CALN1: variants seen among roughly 807,000 people sequenced by gnomAD.
The protein encoded by CALN1 is calneuron 1.
In CALN1, 17 loss-of-function variants were observed where a neutral mutation model predicts 30.6. The ratio of observed to expected loss-of-function variants is 0.56; its 90% confidence interval spans 0.38 to 0.83. CALN1 has a LOEUF of 0.83. Among genes scored for constraint, CALN1 ranks in the 40% least tolerant of loss-of-function variants. The probability of loss-of-function intolerance (pLI) is 0.00; values close to 1 mark genes in which losing one functional copy is unlikely to be tolerated. For synonymous variants in CALN1, 156 were observed against 131.4 expected (o/e 1.19, Z -1.28); for missense variants, 291 against 354.9 (o/e 0.82, Z 1.45).
intron 4 of CALN1, among the ~76,000 whole-genome samples, chr7:72,078,654 C>T (rs1014795850): frequency 6.6e-6 from 1 of 151,922 alleles, no homozygotes; most frequent in Non-Finnish European, 1.5e-5. Flanking sequence ...CAGGGAGGGT[C>T]GGGCGCAGTG....
At chr7:72,180,852 C>T (rs1328399485) in intron 3 of CALN1, among the ~76,000 whole-genome samples, 3 of 151,982 alleles carry the variant, frequency 2.0e-5, no homozygotes, top group African/African-American at 4.8e-5. Context: ...AATCCAAGCA[C>T]TTTGGGAGGC....
chr7:72,220,649 A>C (rs368997065), intron 3 of CALN1, among the ~76,000 whole-genome samples: 1 of 152,196 alleles, frequency 6.6e-6, no homozygotes, highest in African/African-American at 2.4e-5. Flanking sequence ...ACCAGTTTAC[A>C]GTCCCACCAA....
At chr7:72,269,792 G>A (rs965650662) in intron 3 of CALN1, among the ~76,000 whole-genome samples, 1 of 152,084 alleles carries the variant, frequency 6.6e-6, no homozygotes, top group African/African-American at 2.4e-5. Flanking sequence ...AATATTCACA[G>A]GCATGCAAAG....
chr7:72,338,435 A>G (rs1021032810), intron 2 of CALN1, among the ~76,000 whole-genome samples: 2 of 147,476 alleles, frequency 1.4e-5, no homozygotes, highest in African/African-American at 5.0e-5. Flanking sequence ...TTCAACTGCC[A>G]GGGAAGTTTG....
At chr7:71,984,818 GC>G (rs1798578712) in intron 5 of CALN1, among the ~76,000 whole-genome samples, 1 of 152,174 alleles carries the variant, frequency 6.6e-6, no homozygotes, top group African/African-American at 2.4e-5. Flanking sequence ...AATGACTCTG[GC>G]TAAGCTTATG....
chr7:72,397,576 C>G (rs1419441274), intron 2 of CALN1, among the ~76,000 whole-genome samples: 1 of 152,048 alleles, frequency 6.6e-6, no homozygotes, highest in Non-Finnish European at 1.5e-5. Context: ...AAGAGGGAGT[C>G]AGGAAATGTG....
chr7:72,397,714 TCACACACACACACACACA>T (rs3138810), intron 2 of CALN1, among the ~76,000 whole-genome samples: 1 of 142,806 alleles, frequency 7.0e-6, no homozygotes, highest in African/African-American at 2.6e-5. Context: ...CCATTCTCTC[TCACACACACACACACACA>T]CACACACACA....
rs144403189 is a variant in CALN1, at chr7:72,298,170, A to G, written c.120-19360T>C. On this transcript the variant is annotated intron_variant, in intron 2 of 6. Transcript: ENST00000395275. ...CATCTTTACCTGTGTATGGCCAACA[A>G]CATCCCACCATCTCAGAAAAGACCA... is the stretch of plus-strand genomic sequence containing the variant. 4.3e-3 allele frequency among the ~76,000 whole-genome samples: 657 copies of G among 152,330 alleles called. 7 individuals carry two copies. The highest frequency in any genetic ancestry group is 7.2e-3 in the Non-Finnish European group (492 of 68,040).
chr7:72,205,551 A>AAATATATATATATATATATATATATAT, intron 3 of CALN1, among the ~76,000 whole-genome samples: 2 of 83,044 alleles, frequency 2.4e-5, no homozygotes, highest in Non-Finnish European at 3.9e-5. Flanking sequence ...GCAAAAAAAA[A>AAATATATATATATATATATATATATAT]ATATATATAT....
chr7:72,192,661 A>G (rs1269704663), intron 3 of CALN1, among the ~76,000 whole-genome samples: 1 of 72,776 alleles, frequency 1.4e-5, no homozygotes, highest in Non-Finnish European at 2.3e-5. Flanking sequence ...TATTATTATT[A>G]TTATTATTAT....
chr7:72,473,844 G>T, the CALN1 span, among the ~76,000 whole-genome samples: 1 of 151,318 alleles, frequency 6.6e-6, no homozygotes, highest in Non-Finnish European at 1.5e-5. Flanking sequence ...TGGGAGAATC[G>T]CTTGAACCCA....
At chr7:72,330,621 C>T (rs1258089966) in intron 2 of CALN1, among the ~76,000 whole-genome samples, 6 of 152,256 alleles carry the variant, frequency 3.9e-5, no homozygotes, top group Admixed American at 2.0e-4. Flanking sequence ...CTCTGTCTGA[C>T]GAATTCATCA....
intron 5 of CALN1, among the ~76,000 whole-genome samples, chr7:71,813,895 C>G (rs1788108918): frequency 6.8e-6 from 1 of 147,598 alleles, no homozygotes; most frequent in Non-Finnish European, 1.5e-5. Flanking sequence ...TGTGTCACTG[C>G]ACTCCAGCCT....
At chr7:72,417,370 G>T (rs541316580) in intron 1 of CALN1, among the ~76,000 whole-genome samples, 1 of 152,164 alleles carries the variant, frequency 6.6e-6, no homozygotes, top group East Asian at 1.9e-4. Flanking sequence ...CAGGTTGCAG[G>T]AACCACAACC....
chr7:71,980,627 G>A (rs1798345026), intron 5 of CALN1, among the ~76,000 whole-genome samples: 1 of 152,198 alleles, frequency 6.6e-6, no homozygotes, highest in African/African-American at 2.4e-5. Flanking sequence ...GTGGGCGATA[G>A]AAGGGCCTGC....
rs576936662 is a variant in CALN1, at chr7:72,352,492, GAC to G, written c.119+50757_119+50758del. 2.9e-4 allele frequency among the ~76,000 whole-genome samples: 44 copies of G among 149,322 alleles called. No individual in the cohort carries two copies. The East Asian group carries it at 8.5e-3, about 29-fold the overall frequency. On this transcript the variant is annotated intron_variant, in intron 2 of 6. Transcript: ENST00000395275. Reference sequence around the variant, plus strand: ...TTAAATTAGAAATCAGTAATAAGAAGACACCTTAAAAATTCCCCAAGATTTTA... The same window carrying G: ...TTAAATTAGAAATCAGTAATAAGAAGACCTTAAAAATTCCCCAAGATTTTA...
At chr7:71,931,712 C>T (rs886901759) in intron 5 of CALN1, among the ~76,000 whole-genome samples, 6 of 152,212 alleles carry the variant, frequency 3.9e-5, no homozygotes. Context: ...AGTGCAATCC[C>T]AGTCATAACT....
intron 5 of CALN1, among the ~76,000 whole-genome samples, chr7:71,950,872 C>T (rs1796654523): frequency 6.6e-6 from 1 of 152,204 alleles, no homozygotes; most frequent in Admixed American, 6.5e-5. Flanking sequence ...GTTCCTTCTG[C>T]ACAGAATGCC....
intron 3 of CALN1, among the ~76,000 whole-genome samples, chr7:72,205,551 A>AAATATATACATATATATATATTATAT: frequency 1.2e-5 from 1 of 83,052 alleles, no homozygotes; most frequent in Non-Finnish European, 2.0e-5. Flanking sequence ...GCAAAAAAAA[A>AAATATATACATATATATATATTATAT]ATATATATAT....
Sources: gnomAD v4.1 joint callset for allele counts (sites outside exome capture counted in the v4.1 genomes callset) on GRCh38, gnomAD v4.1.1 for gene constraint, MANE v1.5 for transcripts, NCBI Gene and HGNC (gene_info 2026-07-23, HGNC 2026-07-21) for gene names.